SHISA9: variants seen among roughly 807,000 people sequenced by gnomAD.
SHISA9 encodes protein shisa-9.
Under a neutral mutation model 38.0 loss-of-function variants are expected in SHISA9, and 13 were observed. The observed-to-expected ratio is 0.34, with a 90% CI of 0.22 to 0.54. The LOEUF (loss-of-function observed/expected upper bound fraction) is 0.54, where lower values mean the gene tolerates loss of function less well. Ranked by LOEUF, SHISA9 falls within the 20% of genes least tolerant of loss-of-function variation. The pLI is 0.91. For missense variants in SHISA9, 538 were observed against 575.8 expected, an observed-to-expected ratio of 0.93 and a Z score of 0.67; for synonymous variants, 275 against 242.0, an observed-to-expected ratio of 1.14 and a Z score of -1.27.
At chr16:13,388,373 T>G in the SHISA9 span, among the ~76,000 whole-genome samples, 1 of 150,942 alleles carries the variant, frequency 6.6e-6, no homozygotes, top group Non-Finnish European at 1.5e-5. Flanking sequence ...GTGCAGTGGC[T>G]CAATCTCGGC....
chr16:12,917,094 T>C (rs1387979197), intron 2 of SHISA9, among the ~76,000 whole-genome samples: 1 of 152,220 alleles, frequency 6.6e-6, no homozygotes, highest in Non-Finnish European at 1.5e-5. Context: ...ATTTATTAAC[T>C]AGATTAGTGG....
chr16:13,162,405 T>C (rs2050602651), intron 2 of SHISA9, among the ~76,000 whole-genome samples: 1 of 152,202 alleles, frequency 6.6e-6, no homozygotes, highest in Non-Finnish European at 1.5e-5. Context: ...GTAATTCTTA[T>C]AGGACTGTCA....
At chr16:13,127,762 C>G (rs2050274070) in intron 2 of SHISA9, among the ~76,000 whole-genome samples, 1 of 152,134 alleles carries the variant, frequency 6.6e-6, no homozygotes, top group African/African-American at 2.4e-5. Context: ...TTAACCACGT[C>G]TATTTCACAC....
intron 2 of SHISA9, among the ~76,000 whole-genome samples, chr16:12,977,536 A>T (rs2072180178): frequency 6.6e-6 from 1 of 152,220 alleles, no homozygotes; most frequent in Non-Finnish European, 1.5e-5. Flanking sequence ...TTACTGCACT[A>T]TTCACAATAG....
chr16:13,108,933 T>G (rs2073951956), intron 2 of SHISA9, among the ~76,000 whole-genome samples: 1 of 152,172 alleles, frequency 6.6e-6, no homozygotes, highest in African/African-American at 2.4e-5. Context: ...CTGAGCAGCA[T>G]CATGTGAAAA....
intron 2 of SHISA9, among the ~76,000 whole-genome samples, chr16:12,974,396 A>G (rs1429930812): frequency 1.3e-5 from 2 of 151,856 alleles, no homozygotes; most frequent in African/African-American, 2.4e-5. Context: ...AAGACTCCCT[A>G]AAAACACAGA....
At chr16:12,996,337 C>T (rs2072457045) in intron 2 of SHISA9, among the ~76,000 whole-genome samples, 1 of 151,872 alleles carries the variant, frequency 6.6e-6, no homozygotes, top group Non-Finnish European at 1.5e-5. Flanking sequence ...GCCCATTTTC[C>T]CACGTAGCAA....
At chr16:13,136,980 G>A (rs2141992294) in intron 2 of SHISA9, among the ~76,000 whole-genome samples, 1 of 152,332 alleles carries the variant, frequency 6.6e-6, no homozygotes, top group Non-Finnish European at 1.5e-5. Context: ...GCAGGAAACA[G>A]AACAAGGATT....
chr16:13,413,450 G>A, the SHISA9 span, among the ~76,000 whole-genome samples: 1 of 152,086 alleles, frequency 6.6e-6, no homozygotes, highest in Admixed American at 6.6e-5. Flanking sequence ...TTGATGCTGA[G>A]ATTCTAGGTA....
the SHISA9 span, among the ~76,000 whole-genome samples, chr16:13,501,349 T>A: frequency 0.29 from 43,506 of 151,838 alleles, 6,818 homozygotes; most frequent in East Asian, 0.37. Flanking sequence ...AAACAGAAAC[T>A]ACAAAAGTCA....
At chr16:12,955,688 A>T (rs953220587) in intron 2 of SHISA9, among the ~76,000 whole-genome samples, 1 of 152,002 alleles carries the variant, frequency 6.6e-6, no homozygotes, top group African/African-American at 2.4e-5. Context: ...TGGTACTGGG[A>T]GAATTGGCTA....
intron 2 of SHISA9, among the ~76,000 whole-genome samples, chr16:12,930,029 A>G (rs1482422869): frequency 1.3e-5 from 2 of 152,044 alleles, no homozygotes; most frequent in Admixed American, 1.3e-4. Context: ...CTATTAGGTC[A>G]CTGTTTTATT....
the SHISA9 span, among the ~76,000 whole-genome samples, chr16:13,451,008 T>C: frequency 9.2e-5 from 14 of 152,164 alleles, no homozygotes; most frequent in Admixed American, 6.5e-4. Context: ...TCCACAACTG[T>C]TCACCTAAAG....
chr16:12,956,843 C>T (rs569278574), intron 2 of SHISA9, among the ~76,000 whole-genome samples: 1 of 151,956 alleles, frequency 6.6e-6, no homozygotes, highest in African/African-American at 2.4e-5. Flanking sequence ...TACCTATATA[C>T]CCCCCAAATC....
At chr16:13,260,007 C>CTCTTTTTTTTTTTT in the SHISA9 span, among the ~76,000 whole-genome samples, 8 of 60,446 alleles carry the variant, frequency 1.3e-4, no homozygotes, top group Non-Finnish European at 2.0e-4. Flanking sequence ...TTCTTTCTTT[C>CTCTTTTTTTTTTTT]TTTTTTTTTT....
chr16:13,444,991 T>C, the SHISA9 span, among the ~76,000 whole-genome samples: 13 of 7,886 alleles, frequency 1.6e-3, no homozygotes, highest in African/African-American at 0.017. Flanking sequence ...GCTATATATA[T>C]ATATATATAT....
intron 2 of SHISA9, among the ~76,000 whole-genome samples, chr16:13,098,081 A>G (rs971741723): frequency 9.2e-5 from 14 of 152,190 alleles, no homozygotes; most frequent in African/African-American, 3.4e-4. Context: ...CGCAGAAGAA[A>G]CGGAGGGTCA....
At chr16:13,531,277 G>A in the SHISA9 span, among the ~76,000 whole-genome samples, 3 of 152,074 alleles carry the variant, frequency 2.0e-5, no homozygotes, top group East Asian at 1.9e-4. Flanking sequence ...TAAGGGCACC[G>A]AAAATGATTA....
the SHISA9 span, among the ~76,000 whole-genome samples, chr16:13,532,079 T>C: frequency 6.6e-6 from 1 of 152,222 alleles, no homozygotes; most frequent in South Asian, 2.1e-4. Flanking sequence ...CAGGGTTTCA[T>C]TTCATAACCT....
Sources: allele counts gnomAD v4.1 joint callset (sites outside exome capture counted in the v4.1 genomes callset), GRCh38; gene constraint gnomAD v4.1.1; transcripts MANE v1.5; gene names NCBI Gene and HGNC (gene_info 2026-07-23, HGNC 2026-07-21).